Variants in ROBO1 observed in about 807,000 individuals in gnomAD.
ROBO1 encodes the protein roundabout guidance receptor 1.
ROBO1 carries 149 observed loss-of-function variants against 195.9 expected under a neutral mutation model. The ratio of observed to expected loss-of-function variants is 0.76; its 90% CI spans 0.67 to 0.87. The LOEUF (loss-of-function observed/expected upper bound fraction) is 0.87. Among genes scored for constraint, ROBO1 ranks in the 40% least tolerant of loss-of-function variants. ROBO1 has a pLI of 0.00. For missense variants in ROBO1, 1,933 were observed against 2,068.3 expected (o/e 0.93, Z 1.27); for synonymous variants, 816 against 733.2 (o/e 1.11, Z -1.82).
chr3:78,798,062 C>T (rs2084238689), intron 4 of ROBO1, among the ~76,000 whole-genome samples: 1 of 152,006 alleles, frequency 6.6e-6, no homozygotes, highest in South Asian at 2.1e-4. Flanking sequence ...ACACAAAATT[C>T]AGTATAAAGA....
intron 2 of ROBO1, among the ~76,000 whole-genome samples, chr3:79,400,642 G>A (rs1440721965): frequency 6.6e-6 from 1 of 152,022 alleles, no homozygotes; most frequent in Non-Finnish European, 1.5e-5. Context: ...CATTTATACA[G>A]CAAGACTTTC....
At chr3:79,327,351 C>G (rs2034253601) in intron 2 of ROBO1, among the ~76,000 whole-genome samples, 2 of 152,052 alleles carry the variant, frequency 1.3e-5, no homozygotes, top group South Asian at 4.1e-4. Flanking sequence ...AAAATATGCA[C>G]TGGCTGAATA....
intron 3 of ROBO1, among the ~76,000 whole-genome samples, chr3:78,977,079 A>T (rs2076899124): frequency 6.6e-6 from 1 of 152,166 alleles, no homozygotes; most frequent in African/African-American, 2.4e-5. Context: ...AGAACAAACA[A>T]ACAAAAAACA....
At chr3:78,778,963 C>A (rs967511567) in intron 4 of ROBO1, among the ~76,000 whole-genome samples, 15 of 152,100 alleles carry the variant, frequency 9.9e-5, no homozygotes, top group Admixed American at 1.3e-4. Flanking sequence ...GCATCTACGA[C>A]CATCTGATCT....
intron 1 of ROBO1, among the ~76,000 whole-genome samples, chr3:79,735,113 C>T (rs901812094): frequency 6.6e-6 from 1 of 152,166 alleles, no homozygotes; most frequent in African/African-American, 2.4e-5. Context: ...CGGATGGATC[C>T]ATACCTTCTG....
chr3:79,547,689 C>T (rs1030667936), intron 2 of ROBO1, among the ~76,000 whole-genome samples: 2 of 152,022 alleles, frequency 1.3e-5, no homozygotes, highest in Non-Finnish European at 2.9e-5. Flanking sequence ...ACAGCATATT[C>T]CTTAATGATT....
intron 10 of ROBO1, among the ~76,000 whole-genome samples, chr3:78,685,180 GT>G (rs536560917): frequency 1.3e-4 from 20 of 151,882 alleles, no homozygotes; most frequent in African/African-American, 4.6e-4. Context: ...ATTTATATGT[GT>G]TTTTTTCTTT....
rs373013461 is a variant in ROBO1 at position 79,344,208 on chromosome 3, C to T, written c.89-218669G>A. Among the ~76,000 whole-genome samples the T allele has an allele frequency of 2.2e-3, 339 of 152,256 alleles. 1 individual carries two copies. The highest frequency in any genetic ancestry group is 7.1e-3 in the African/African-American group (297 of 41,556). ...TACTTCAGGTGAAGATGGAAGTACC[C>T]TTCCAGATTAAAATAGAGCAGTGGT... On this transcript the variant is annotated intron_variant, in intron 2 of 30. Transcript: ENST00000464233.
At chr3:78,857,450 G>T (rs1053441027) in intron 4 of ROBO1, among the ~76,000 whole-genome samples, 4 of 152,142 alleles carry the variant, frequency 2.6e-5, no homozygotes, top group African/African-American at 9.7e-5. Context: ...GTGGTATTTT[G>T]AAGTGTCCCC....
chr3:78,780,715 A>T (rs2083652124), intron 4 of ROBO1, among the ~76,000 whole-genome samples: 1 of 152,070 alleles, frequency 6.6e-6, no homozygotes, highest in South Asian at 2.1e-4. Flanking sequence ...ATTCATTACT[A>T]TTGACCTGCT....
At chr3:79,755,915 G>C (rs969391223) in intron 1 of ROBO1, among the ~76,000 whole-genome samples, 1 of 152,094 alleles carries the variant, frequency 6.6e-6, no homozygotes, top group East Asian at 1.9e-4. Context: ...TTGCCTTATT[G>C]ACCACTTTGT....
intron 4 of ROBO1, among the ~76,000 whole-genome samples, chr3:78,836,240 C>T (rs899419484): frequency 3.9e-5 from 6 of 151,920 alleles, no homozygotes; most frequent in Admixed American, 1.3e-4. Flanking sequence ...AGGCCGGGGG[C>T]AGTGGCTCAT....
At chr3:79,153,740 A>G (rs1325206177) in intron 2 of ROBO1, among the ~76,000 whole-genome samples, 1 of 147,966 alleles carries the variant, frequency 6.8e-6, no homozygotes, top group Non-Finnish European at 1.5e-5. Flanking sequence ...TAAATAATAT[A>G]GTATTTATAT....
intron 2 of ROBO1, among the ~76,000 whole-genome samples, chr3:79,370,120 T>C (rs13340113): frequency 0.021 from 3,159 of 152,080 alleles, 100 homozygotes; most frequent in African/African-American, 0.07. Flanking sequence ...TTTGGGAAGC[T>C]GAGGAGTGTC....
chr3:79,299,069 T>C lies in ROBO1; in HGVS notation c.89-173530A>G, dbSNP rs189444795. On this transcript the variant is annotated intron_variant, in intron 2 of 30. Coordinates refer to ENST00000464233, the MANE Select transcript of ROBO1 (RefSeq NM_002941.4). The stretch of plus-strand genomic sequence containing the variant: ...ACACACTTCCAAAAAAGCTAAATAC[T>C]TTTTTGGCACAATTGAACCTTCTAT... Among the ~76,000 whole-genome samples, 10 of 152,224 alleles carry C rather than the reference T, an allele frequency of 6.6e-5. No individual in the cohort carries two copies. The East Asian group carries it at 1.7e-3, about 26-fold the overall frequency.
chr3:79,065,441 T>G (rs1028646049), intron 3 of ROBO1, among the ~76,000 whole-genome samples: 1 of 151,896 alleles, frequency 6.6e-6, no homozygotes, highest in Admixed American at 6.6e-5. Context: ...GCTTTTCCCA[T>G]GAAATATAAT....
intron 1 of ROBO1, among the ~76,000 whole-genome samples, chr3:79,729,051 G>A (rs1703039528): frequency 6.6e-6 from 1 of 152,016 alleles, no homozygotes; most frequent in African/African-American, 2.4e-5. Context: ...TTATTACATT[G>A]TTTCCGTAGC....
intron 4 of ROBO1, among the ~76,000 whole-genome samples, chr3:78,856,146 C>T (rs961715041): frequency 6.0e-5 from 9 of 150,538 alleles, no homozygotes; most frequent in African/African-American, 9.8e-5. Flanking sequence ...AATTCCTCTA[C>T]GGTTTTCAGC....
chr3:78,849,957 T>TAC (rs2033945377), intron 4 of ROBO1, among the ~76,000 whole-genome samples: 1 of 152,000 alleles, frequency 6.6e-6, no homozygotes, highest in Non-Finnish European at 1.5e-5. Context: ...ATAACGTAGT[T>TAC]TACTATACCT....
Sources: gnomAD v4.1 joint callset for allele counts (sites outside exome capture counted in the v4.1 genomes callset) on GRCh38, gnomAD v4.1.1 for gene constraint, MANE v1.5 for transcripts, NCBI Gene and HGNC (gene_info 2026-07-23, HGNC 2026-07-21) for gene names.